Variants in SYPL1 observed in about 807,000 individuals in gnomAD.
SYPL1 encodes the protein synaptophysin-like protein 1.
A neutral mutation model predicts 23.7 loss-of-function variants in SYPL1; 6 were observed. The observed-to-expected ratio is 0.25, with a 90% confidence interval of 0.14 to 0.50. SYPL1 has a LOEUF of 0.50. Among genes scored for constraint, SYPL1 ranks in the 20% least tolerant of loss-of-function variants. SYPL1 has a pLI of 0.98. For synonymous variants in SYPL1, 102 were observed against 104.5 expected, an observed-to-expected ratio of 0.98 and a Z score of 0.15; for missense variants, 253 against 288.9, an observed-to-expected ratio of 0.88 and a Z score of 0.90.
At chr7:106,106,426 C>A (rs1840603142) in intron 1 of SYPL1, among the ~76,000 whole-genome samples, 1 of 152,008 alleles carries the variant, frequency 6.6e-6, no homozygotes. Context: ...GTGGTGGGCA[C>A]CTGTAATCCC....
rs965746760 is a variant in SYPL1, at chr7:106,096,196, G to A, written c.402+1494C>T. 2.6e-5 allele frequency: 4 copies of A among 151,930 alleles called. No individual in the cohort carries two copies. Among genetic ancestry groups the A allele is most frequent in the Non-Finnish European group, 4.4e-5 (3 of 67,980 alleles). The allele number at this position is 151,930 out of a possible 1,614,324, so 9.4% of individuals were successfully genotyped here. On this transcript the variant is annotated intron_variant, in intron 3 of 4. Transcript: ENST00000455385. The surrounding 1 kb of genome is among the most constrained non-coding windows in gnomAD (Gnocchi z 4.4). ...TTGACGTCTTATCTTTTTAACAACC[G>A]AGAAGTATTTTATGAAAACCTCTAG...
rs1002176736 is a variant in SYPL1 at position 106,109,721 on chromosome 7, C to T, written c.69+2419G>A. Among the ~76,000 whole-genome samples, 1 of 152,138 alleles carries T rather than the reference C, an allele frequency of 6.6e-6. No homozygotes were observed. The highest frequency in any genetic ancestry group is 1.5e-5 in the Non-Finnish European group (1 of 68,028). On this transcript the variant is annotated intron_variant, in intron 1 of 4. Coordinates refer to ENST00000455385, the MANE Select transcript of SYPL1 (RefSeq NM_182715.4). This position sits in a 1 kb window ranked among gnomAD's most constrained non-coding sequence, Gnocchi z 4.3. The stretch of plus-strand genomic sequence containing the variant: ...ATTACCTTGAATATGCTAATGGCAA[C>T]GAAGTCAGAAAGACAGCAGTCATCT...
At chr7:106,092,672 CAAAAAAA>C (rs549863505) in intron 4 of SYPL1, 16 of 269,980 alleles carry the variant, frequency 5.9e-5, no homozygotes, top group Admixed American at 1.8e-4. Context: ...AACTCCATCT[CAAAAAAA>C]AAAAAAAAAA....
chr7:106,101,958 T>A (rs1840347500), intron 1 of SYPL1, among the ~76,000 whole-genome samples: 1 of 152,122 alleles, frequency 6.6e-6, no homozygotes, highest in Admixed American at 6.6e-5. Context: ...TTGATACAAC[T>A]CCCATCAAGA....
intron 1 of SYPL1, chr7:106,111,908 C>T: frequency 3.2e-6 from 1 of 314,892 alleles, no homozygotes. Context: ...GGTGGCTCCC[C>T]TGGGAGCCAG....
Position 106,112,120 on chromosome 7 carries a change from C to G in SYPL1, c.69+20G>C. The stretch of plus-strand genomic sequence containing the variant: ...CGCGCCGAGCGGCAGGCGGGCCTGG[C>G]CGGCGCGGGCTGCACTCACCCACTC... On this transcript the variant is annotated intron_variant, in intron 1 of 4. Transcript: ENST00000455385. 1 of 1,441,976 alleles carries G rather than the reference C, an allele frequency of 6.9e-7. No homozygotes were observed. The highest frequency in any genetic ancestry group is 9.2e-7 in the Non-Finnish European group (1 of 1,082,138). 89.3% of individuals were successfully genotyped at this position (1,441,976 alleles called of 1,614,324 possible). A position where few individuals can be genotyped will look rare whatever the true frequency, so the allele number is the denominator to read the frequency against.
intron 1 of SYPL1, among the ~76,000 whole-genome samples, chr7:106,111,021 C>T (rs926515792): frequency 6.6e-6 from 1 of 152,144 alleles, no homozygotes; most frequent in South Asian, 2.1e-4. Context: ...ATGCGTCTTT[C>T]AAGTAGTCAT....
intron 1 of SYPL1, 170 bp downstream of exon 1, chr7:106,111,970 C>T: frequency 1.2e-6 from 1 of 853,004 alleles, no homozygotes; most frequent in Non-Finnish European, 1.5e-6. Flanking sequence ...CCGCCCCGCG[C>T]GGCCCAGGCC....
intron 4 of SYPL1, chr7:106,092,672 CA>C (rs549863505): frequency 0.15 from 39,984 of 265,258 alleles, 230 homozygotes; most frequent in East Asian, 0.19. Flanking sequence ...AACTCCATCT[CA>C]AAAAAAAAAA....
In SYPL1 at chr7:106,097,870, A is replaced by C; in HGVS notation, c.222T>G (p.Pro74=). 1 of 1,613,156 alleles carries C rather than the reference A, an allele frequency of 6.2e-7. No homozygotes were observed. Among genetic ancestry groups the C allele is most frequent in the South Asian group, 1.1e-5 (1 of 91,020 alleles). ...FRLNEASFQP[P]PGVNICDVNW... is the part of the protein sequence containing the mutation. Reference sequence around the variant, plus strand: ...TTACATCACATATGTTTACACCTGGAGGTGGCTGAAATGATGCCTCATTCA... The same window carrying C: ...TTACATCACATATGTTTACACCTGGCGGTGGCTGAAATGATGCCTCATTCA... The change falls in exon 3 of 5, where the codon CCT becomes CCG. Residue 74 remains proline, a synonymous_variant. Transcript: ENST00000455385. This position sits in a 1 kb window ranked among gnomAD's most constrained non-coding sequence, Gnocchi z 4.6.
At position 106,100,189 on chromosome 7, in the gene SYPL1, AAGTTGTTGGAAACTTATTTTCCT is replaced by A. The variant is rs1840241365; in HGVS notation, c.70-930_70-908del. 6.6e-6 allele frequency among the ~76,000 whole-genome samples: 1 copy of A among 152,232 alleles called. No homozygotes were observed. On this transcript the variant is annotated intron_variant, in intron 1 of 4. Transcript: ENST00000455385. The surrounding 1 kb of genome is among the most constrained non-coding windows in gnomAD (Gnocchi z 5.1). ...CTTGTGGGTATTTCCAGGTCTCAAAAAGTTGTTGGAAACTTATTTTCCTAATCATGTATATGCTTAAAAAAATG... is the reference window on the plus strand; with the variant it reads ...CTTGTGGGTATTTCCAGGTCTCAAAAAATCATGTATATGCTTAAAAAAATG...
intron 1 of SYPL1, among the ~76,000 whole-genome samples, chr7:106,102,227 G>A (rs1380333023): frequency 6.6e-6 from 1 of 152,058 alleles, no homozygotes; most frequent in Non-Finnish European, 1.5e-5. Flanking sequence ...TGAGTAGCAG[G>A]GGTAATTACA....
chr7:106,098,348 T>TA (rs1277447987), intron 2 of SYPL1, among the ~76,000 whole-genome samples: 4 of 152,156 alleles, frequency 2.6e-5, no homozygotes, highest in African/African-American at 9.7e-5. Flanking sequence ...CCATAAATTG[T>TA]AAAAAACTTG....
intron 2 of SYPL1, 89 bp downstream of exon 2, chr7:106,099,069 C>G (rs943535259): frequency 2.7e-5 from 40 of 1,503,490 alleles, no homozygotes; most frequent in Admixed American, 2.6e-4. Context: ...AATTTTCTAC[C>G]CCCCACAATC....
intron 4 of SYPL1, 126 bp downstream of exon 4, chr7:106,092,823 A>G (rs928206321): frequency 9.9e-6 from 8 of 804,472 alleles, no homozygotes; most frequent in Non-Finnish European, 1.5e-5. Flanking sequence ...TATTGTTACT[A>G]GAATTCAGGT....
chr7:106,093,103 C>A lies in SYPL1; in HGVS notation c.437G>T (p.Trp146Leu). ...FVVTLVATFL[W>L]LVSTSAWAKA... ...AGCCCAGGCTGAAGTGCTCACCAACCACAAAAAAGTGGCAACAAGTGTAAC... is the reference window on the plus strand; with the variant it reads ...AGCCCAGGCTGAAGTGCTCACCAACAACAAAAAAGTGGCAACAAGTGTAAC... Residue 146 changes from tryptophan to leucine, a missense_variant, in exon 4 of 5, where the codon TGG becomes TTG. Transcript: ENST00000455385. 1.2e-6 allele frequency: 2 copies of A among 1,608,498 alleles called. No homozygotes were observed. Among genetic ancestry groups the A allele is most frequent in the East Asian group, 2.2e-5 (1 of 44,800 alleles).
In SYPL1 at chr7:106,109,530, G is replaced by A. The variant is rs967391462; in HGVS notation, c.69+2610C>T. Among the ~76,000 whole-genome samples the A allele has an allele frequency of 1.4e-4, 22 of 151,898 alleles. No individual in the cohort carries two copies. Among genetic ancestry groups the A allele is most frequent in the Non-Finnish European group, 2.8e-4 (19 of 68,006 alleles). On this transcript the variant is annotated intron_variant, in intron 1 of 4. Transcript: ENST00000455385. The surrounding 1 kb of genome is among the most constrained non-coding windows in gnomAD (Gnocchi z 4.3). ...TAACCATTCCTTCTCTCCTTTGCAG[G>A]CAGATATCTGCTATATCTGCAGCCC...
Position 106,093,090 on chromosome 7 carries a change from A to G in SYPL1, c.450T>C (p.Thr150=). ...LVATFLWLVS[T]SAWAKALTDI... is the part of the protein sequence containing the mutation. Reference sequence around the variant, plus strand: ...CTGTCAGAGCTTTAGCCCAGGCTGAAGTGCTCACCAACCACAAAAAAGTGG... The same window carrying G: ...CTGTCAGAGCTTTAGCCCAGGCTGAGGTGCTCACCAACCACAAAAAAGTGG... Residue 150 remains threonine, a synonymous_variant, in exon 4 of 5, where the codon ACT becomes ACC. Coordinates refer to ENST00000455385, the MANE Select transcript of SYPL1 (RefSeq NM_182715.4). 1 of 1,612,578 alleles carries G rather than the reference A, an allele frequency of 6.2e-7. No individual in the cohort carries two copies.
chr7:106,091,838 G>A lies in SYPL1; in HGVS notation c.693C>T (p.Ser231=). The A allele has an allele frequency of 1.2e-6, 2 of 1,613,308 alleles. No individual in the cohort carries two copies. Among genetic ancestry groups the A allele is most frequent in the Non-Finnish European group, 1.7e-6 (2 of 1,179,664 alleles). Reference sequence around the variant, plus strand: ...CGGTAGGAGGTGGAATACCTCCTTGGCTATGAGGGGCAGATGTATTTGATG... The same window carrying A: ...CGGTAGGAGGTGGAATACCTCCTTGACTATGAGGGGCAGATGTATTTGATG... ...HSPSNTSAPH[S]QGGIPPPTGI The change falls in exon 5 of 5, where the codon AGC becomes AGT. Residue 231 remains serine (S), a synonymous_variant. Coordinates refer to ENST00000455385, the MANE Select transcript of SYPL1 (RefSeq NM_182715.4). This position sits in a 1 kb window ranked among gnomAD's most constrained non-coding sequence, Gnocchi z 5.0.
Sources: gnomAD v4.1 joint callset for allele counts (sites outside exome capture counted in the v4.1 genomes callset) on GRCh38, gnomAD v4.1.1 for gene constraint, Gnocchi (gnomAD v3.1) non-coding constraint, MANE v1.5 for transcripts, NCBI Gene and HGNC (gene_info 2026-07-23, HGNC 2026-07-21) for gene names.